The following HSPA4L variants were observed in gnomAD, a reference collection of about 807,000 sequenced individuals.
HSPA4L encodes the protein heat shock 70 kDa protein 4L.
Under a neutral mutation model 100.3 loss-of-function variants are expected in HSPA4L, and 48 were observed. That is an observed-to-expected ratio of 0.48 (90% CI 0.38 to 0.61). The LOEUF (loss-of-function observed/expected upper bound fraction) is 0.61, where lower values mean the gene tolerates loss of function less well. Ranked by LOEUF, HSPA4L falls within the 20% of genes least tolerant of loss-of-function variation. HSPA4L has a pLI of 0.00. For synonymous variants in HSPA4L, 319 were observed against 328.2 expected, an observed-to-expected ratio of 0.97 and a Z score of 0.30; for missense variants, 886 against 988.6, an observed-to-expected ratio of 0.90 and a Z score of 1.39.
intron 15 of HSPA4L, 82 bp from the exon 16 acceptor site, chr4:127,823,435 C>A: frequency 2.3e-6 from 2 of 883,858 alleles, no homozygotes; most frequent in Non-Finnish European, 1.8e-6. Flanking sequence ...AGGCATGAGG[C>A]ACTGCACTGC....
At chr4:127,797,459 G>A (rs1733052545) in intron 3 of HSPA4L, among the ~76,000 whole-genome samples, 1 of 152,048 alleles carries the variant, frequency 6.6e-6, no homozygotes, top group African/African-American at 2.4e-5. Flanking sequence ...TACATTCATA[G>A]TAAGTGCCTG....
intron 8 of HSPA4L, 75 bp downstream of exon 8, chr4:127,804,162 T>C: frequency 2.6e-6 from 3 of 1,143,776 alleles, no homozygotes; most frequent in Non-Finnish European, 3.8e-6. Flanking sequence ...AATGATAAAA[T>C]AAATTTTTAA....
At chr4:127,816,883 T>C (rs536293188) in intron 12 of HSPA4L, among the ~76,000 whole-genome samples, 12 of 152,190 alleles carry the variant, frequency 7.9e-5, no homozygotes, top group Non-Finnish European at 1.5e-4. Context: ...ATAGAAGAGC[T>C]CTTTCAATAA....
chr4:127,794,397 A>C (rs1732963033), intron 2 of HSPA4L, among the ~76,000 whole-genome samples: 1 of 152,072 alleles, frequency 6.6e-6, no homozygotes, highest in Admixed American at 6.6e-5. Flanking sequence ...TTTTCCCCAA[A>C]TGGTCCCTCA....
Position 127,822,782 on chromosome 4 carries a change from T to C in HSPA4L, c.1826T>C (p.Met609Thr). The C allele has an allele frequency of 6.2e-7, 1 of 1,613,684 alleles. No individual in the cohort carries two copies. The highest frequency in any genetic ancestry group is 8.5e-7 in the Non-Finnish European group (1 of 1,179,802). Residue 609 changes from methionine (M) to threonine (T), a missense_variant, in exon 15 of 19, where the codon ATG becomes ACG. Coordinates refer to ENST00000296464, the MANE Select transcript of HSPA4L (RefSeq NM_014278.4). ...SYIENEGKMI[M>T]QDKLEKERND... is the part of the protein sequence containing the mutation. ...CTTTTTGAATAGGGGAAGATGATCA[T>C]GCAAGATAAGTTAGAGAAAGAAAGA... is the stretch of plus-strand genomic sequence containing the variant.
At chr4:127,783,680 G>T (rs747046532) in intron 1 of HSPA4L, 2 of 1,535,114 alleles carry the variant, frequency 1.3e-6, no homozygotes, top group Non-Finnish European at 1.7e-6. Context: ...TTTATGGAAA[G>T]GTAATTTGGC....
chr4:127,792,354 G>A (rs574202546), intron 1 of HSPA4L, among the ~76,000 whole-genome samples: 17 of 152,216 alleles, frequency 1.1e-4, no homozygotes, highest in Middle Eastern at 3.4e-3. Context: ...GTCCTCAAAT[G>A]AGCATTACCT....
At chr4:127,818,546 G>T in intron 13 of HSPA4L, 126 bp downstream of exon 13, 1 of 513,506 alleles carries the variant, frequency 1.9e-6, no homozygotes. Context: ...ATAGAAAGCT[G>T]ATAGCCAGAA....
rs778912767 is a variant in HSPA4L at position 127,782,505 on chromosome 4, C to T, written c.-46C>T. On this transcript the variant is annotated 5_prime_UTR_variant, in exon 1 of 19. Transcript: ENST00000296464. Reference sequence around the variant, plus strand: ...ATAGCCCAGAAGAGGACACGGTTCCCGTACCGAAGGGTTCAGTACCAGCAG... The same window carrying T: ...ATAGCCCAGAAGAGGACACGGTTCCTGTACCGAAGGGTTCAGTACCAGCAG... 2.0e-6 allele frequency: 3 copies of T among 1,476,620 alleles called. No homozygotes were observed. Among genetic ancestry groups the T allele is most frequent in the Admixed American group, 1.7e-5 (1 of 59,462 alleles). The allele number at this position is 1,476,620 out of a possible 1,614,324, so 91.5% of individuals were successfully genotyped here. A position where few individuals can be genotyped will look rare whatever the true frequency, so the allele number is the denominator to read the frequency against.
At chr4:127,832,653 T>C in intron 18 of HSPA4L, 30 bp from the exon 19 acceptor site, 1 of 1,515,024 alleles carries the variant, frequency 6.6e-7, no homozygotes. Flanking sequence ...TGTAATCGTT[T>C]TAATATAATC....
intron 14 of HSPA4L, among the ~76,000 whole-genome samples, chr4:127,821,979 A>T (rs1733825680): frequency 6.6e-6 from 1 of 152,164 alleles, no homozygotes; most frequent in Admixed American, 6.5e-5. Context: ...TTTACATATC[A>T]TAATTAACCC....
intron 1 of HSPA4L, among the ~76,000 whole-genome samples, chr4:127,784,126 C>T (rs1326202200): frequency 6.6e-6 from 1 of 152,230 alleles, no homozygotes; most frequent in African/African-American, 2.4e-5. Flanking sequence ...CTGGCTTTCG[C>T]CAGAAACAGA....
chr4:127,785,460 G>T (rs193215161), intron 1 of HSPA4L, among the ~76,000 whole-genome samples: 1 of 149,790 alleles, frequency 6.7e-6, no homozygotes, highest in Admixed American at 6.7e-5. Flanking sequence ...TTTTTAAGAC[G>T]TAGTCTTGCT....
chr4:127,810,325 T>C (rs58491014), intron 11 of HSPA4L, among the ~76,000 whole-genome samples: 1,595 of 152,336 alleles, frequency 0.01, 31 homozygotes, highest in African/African-American at 0.036. Context: ...AAGGATATTA[T>C]ATAAAGCAGT....
At chr4:127,823,111 C>T (rs1437622195) in intron 15 of HSPA4L, among the ~76,000 whole-genome samples, 2 of 151,964 alleles carry the variant, frequency 1.3e-5, no homozygotes, top group African/African-American at 4.8e-5. Flanking sequence ...ATATTTTATA[C>T]TTGAAAAACA....
chr4:127,785,488 A>C (rs1191572239), intron 1 of HSPA4L, among the ~76,000 whole-genome samples: 2 of 151,224 alleles, frequency 1.3e-5, no homozygotes, highest in African/African-American at 2.4e-5. Context: ...CCCAGGCTAG[A>C]GTGCAGTGGC....
intron 4 of HSPA4L, 115 bp from the exon 5 acceptor site, chr4:127,801,023 G>C (rs1420679568): frequency 1.5e-6 from 1 of 657,348 alleles, no homozygotes; most frequent in Non-Finnish European, 2.4e-6. Context: ...TTCCTCTTTA[G>C]TTAGAACATC....
chr4:127,804,608 AACACACACAC>A (rs56013070), intron 8 of HSPA4L, among the ~76,000 whole-genome samples: 3,486 of 144,392 alleles, frequency 0.024, 116 homozygotes, highest in African/African-American at 0.083. Context: ...TCTGTCTCAA[AACACACACAC>A]ACACACACAC....
At chr4:127,830,551 T>C (rs1275315507) in intron 17 of HSPA4L, 87 bp from the exon 18 acceptor site, 1 of 1,008,708 alleles carries the variant, frequency 9.9e-7, no homozygotes, top group Non-Finnish European at 1.4e-6. Flanking sequence ...TCAATAAGAG[T>C]CTAAATTTTT....
Sources: gnomAD v4.1 joint callset for allele counts (sites outside exome capture counted in the v4.1 genomes callset) on GRCh38, gnomAD v4.1.1 for gene constraint, MANE v1.5 for transcripts, NCBI Gene and HGNC (gene_info 2026-07-23, HGNC 2026-07-21) for gene names.